PPL: variants seen among roughly 807,000 people sequenced by gnomAD.
PPL encodes periplakin, also known as 190 kDa paraneoplastic pemphigus antigen.
In PPL, 198 loss-of-function variants were observed where a neutral mutation model predicts 194.4. The ratio of observed to expected loss-of-function variants is 1.02; its 90% CI spans 0.91 to 1.15. The LOEUF is 1.15. PPL is among the 50% of genes most tolerant of loss of function. The pLI is 0.00. For synonymous variants in PPL, 1,220 were observed against 972.4 expected (o/e 1.25, Z -4.74); for missense variants, 2,885 against 2,294.8 (o/e 1.26, Z -5.25).
rs764576632 is a variant in PPL at position 4,904,000 on chromosome 16, C to T, written c.203G>A (p.Arg68Gln). ...CAACACCTTCTGCAGGGTCACGTCC[C>T]GGTGCTCAGGCTGCCGACCCTCCTG... Reference protein sequence around the residue: ...RLQEGRQPEHRDVTLQKVLDS... With the variant: ...RLQEGRQPEHQDVTLQKVLDS... The change falls in exon 3 of 22, where the codon CGG becomes CAG. Residue 68 changes from arginine to glutamine, a missense_variant. By Grantham distance (43) the Arg-to-Gln change is conservative. Coordinates refer to ENST00000345988, the MANE Select transcript of PPL (RefSeq NM_002705.5). 6.2e-6 allele frequency: 10 copies of T among 1,613,350 alleles called. No individual in the cohort carries two copies. Among genetic ancestry groups the T allele is most frequent in the South Asian group, 2.2e-5 (2 of 91,066 alleles).
chr16:4,890,201 T>A lies in PPL; in HGVS notation c.2296A>T (p.Lys766Ter). Residue 766 changes from lysine to a stop codon, truncating the protein, a stop_gained, in exon 18 of 22, where the codon AAG becomes TAG. Transcript: ENST00000345988. LOFTEE classifies it high-confidence loss of function. Reference protein sequence around the residue: ...ETDSLSQMETKLKNQKNLLDE... With the variant: ...ETDSLSQMET ...CATCTCACCTTCTGGTTCTTCAGCT[T>A]GGTCTCCATCTGGCTGAGGCTGTCT... 1 of 1,614,186 alleles carries A rather than the reference T, an allele frequency of 6.2e-7. No homozygotes were observed. Among genetic ancestry groups the A allele is most frequent in the Non-Finnish European group, 8.5e-7 (1 of 1,180,020 alleles).
Position 4,892,077 on chromosome 16 carries a change from T to C in PPL, c.1787A>G (p.Lys596Arg). The change falls in exon 15 of 22, where the codon AAA becomes AGA. Residue 596 changes from lysine (K) to arginine (R), a missense_variant. Lys to Arg is a conservative substitution (Grantham distance 26). Transcript: ENST00000345988. ...CAGCAGCTGCAGGAGGTGCTCGTAT[T>C]TCCGGTTGGTGTCCTCCACCCGGGT... ...LRTRVEDTNR[K>R]YEHLLQLLDL... is the part of the protein sequence containing the mutation. The C allele has an allele frequency of 6.2e-7, 1 of 1,613,780 alleles. No individual in the cohort carries two copies. Among genetic ancestry groups the C allele is most frequent in the Non-Finnish European group, 8.5e-7 (1 of 1,180,002 alleles).
intron 2 of PPL, among the ~76,000 whole-genome samples, chr16:4,906,531 G>C (rs369428894): frequency 6.6e-6 from 1 of 152,190 alleles, no homozygotes; most frequent in Non-Finnish European, 1.5e-5. Flanking sequence ...GGCCTGCTTG[G>C]AGTAGAATTT....
chr16:4,918,241 C>T (rs915954483), intron 1 of PPL, among the ~76,000 whole-genome samples: 3 of 149,654 alleles, frequency 2.0e-5, no homozygotes, highest in African/African-American at 7.4e-5. Flanking sequence ...TGCAGTGAGC[C>T]GAGATTGCAC....
intron 2 of PPL, 63 bp from the exon 3 acceptor site, chr16:4,904,103 G>T: frequency 6.6e-7 from 1 of 1,525,204 alleles, no homozygotes; most frequent in South Asian, 1.2e-5. Flanking sequence ...GTGGCAATGG[G>T]AGGGGTGGGA....
At chr16:4,893,474 C>G in intron 13 of PPL, 67 bp downstream of exon 13, 1 of 1,598,058 alleles carries the variant, frequency 6.3e-7, no homozygotes, top group Admixed American at 1.7e-5. Flanking sequence ...ATCCACAGCA[C>G]AGACCCTGGT....
chr16:4,933,032 C>T (rs993023293), intron 1 of PPL, among the ~76,000 whole-genome samples: 2 of 151,328 alleles, frequency 1.3e-5, no homozygotes, highest in Non-Finnish European at 2.9e-5. Flanking sequence ...GACAGAGTCT[C>T]ACTCTTTTAC....
chr16:4,887,888 G>A (rs1479279323), intron 20 of PPL, among the ~76,000 whole-genome samples: 1 of 152,156 alleles, frequency 6.6e-6, no homozygotes. Flanking sequence ...GAGCCACTGC[G>A]CCCGGCCTTG....
In PPL at chr16:4,888,162, C is replaced by A. The variant is rs1437086184; in HGVS notation, c.2454G>T (p.Arg818Ser). 6.2e-7 allele frequency: 1 copy of A among 1,613,886 alleles called. No homozygotes were observed. The highest frequency in any genetic ancestry group is 1.1e-5 in the South Asian group (1 of 91,052). Residue 818 changes from arginine to serine, a missense_variant, in exon 20 of 22, where the codon AGG becomes AGT. Arg to Ser is a moderately radical substitution (Grantham distance 110). Coordinates refer to ENST00000345988, the MANE Select transcript of PPL (RefSeq NM_002705.5). ...LRSLLDLENGRRSHVSKRARL... is the reference protein window; with the variant it reads ...LRSLLDLENGSRSHVSKRARL... ...TGGCTCTCTTGCTCACGTGGCTTCT[C>A]CTTCCATTCTCCAAGTCGAGAAGAG...
At chr16:4,912,033 C>T (rs780734176) in intron 1 of PPL, among the ~76,000 whole-genome samples, 8 of 152,224 alleles carry the variant, frequency 5.3e-5, no homozygotes, top group Admixed American at 6.5e-5. Flanking sequence ...GTTGGCAAAA[C>T]GCACCATATT....
Position 4,884,059 on chromosome 16 carries a change from C to T in PPL, c.4596G>A (p.Glu1532=). 1.2e-6 allele frequency: 2 copies of T among 1,613,362 alleles called. No homozygotes were observed. The highest frequency in any genetic ancestry group is 1.7e-6 in the Non-Finnish European group (2 of 1,180,010). Residue 1532 remains glutamate, a synonymous_variant, in exon 22 of 22, where the codon GAG becomes GAA. Transcript: ENST00000345988. The surrounding 1 kb of genome is among the most constrained non-coding windows in gnomAD (Gnocchi z 5.7). ...CCAGCCGGCTCACCTCGACGTCCAG[C>T]TCGCGCTTGCTGCGGCTCTCCTCCT... The part of the protein sequence containing the change: ...SLEEESRSKR[E]LDVEVSRLEA...
At position 4,895,632 on chromosome 16, in the gene PPL, C is replaced by A; in HGVS notation, c.1057G>T (p.Asp353Tyr). ...AGCAGCAGCTCAATCTGGTACCGGT[C>A]CTTGAAGTCAGGGCCATACTTCTGG... ...LNQKYGPDFK[D>Y]RYQIELLLRE... Residue 353 changes from aspartate to tyrosine, a missense_variant, in exon 10 of 22, where the codon GAC becomes TAC. Coordinates refer to ENST00000345988, the MANE Select transcript of PPL (RefSeq NM_002705.5). 6.2e-7 allele frequency: 1 copy of A among 1,614,078 alleles called. No homozygotes were observed. Among genetic ancestry groups the A allele is most frequent in the South Asian group, 1.1e-5 (1 of 91,082 alleles).
At position 4,902,415 on chromosome 16, in the gene PPL, C is replaced by T; in HGVS notation, c.429G>A (p.Glu143=). Reference sequence around the variant, plus strand: ...CCCGTCCAGGCCATACCAGCTTCTCCTCCACCAGTGCCGCCCAGTTGACCT... The same window carrying T: ...CCCGTCCAGGCCATACCAGCTTCTCTTCCACCAGTGCCGCCCAGTTGACCT... ...DPQVNWAALV[E]EKLDKLNNQS... is the part of the protein sequence containing the mutation. The change falls in exon 4 of 22, where the codon GAG becomes GAA. Residue 143 remains glutamate, a synonymous_variant. Coordinates refer to ENST00000345988, the MANE Select transcript of PPL (RefSeq NM_002705.5). The surrounding 1 kb of genome is among the most constrained non-coding windows in gnomAD (Gnocchi z 4.0). The T allele has an allele frequency of 1.2e-6, 2 of 1,613,972 alleles. No homozygotes were observed. Among genetic ancestry groups the T allele is most frequent in the Non-Finnish European group, 1.7e-6 (2 of 1,179,912 alleles).
intron 1 of PPL, among the ~76,000 whole-genome samples, chr16:4,913,879 G>A (rs571716149): frequency 2.6e-5 from 4 of 152,256 alleles, no homozygotes; most frequent in East Asian, 1.9e-4. Context: ...TGCTGTGTGC[G>A]GGCCCTGCAC....
chr16:4,920,730 G>C (rs1267958391), intron 1 of PPL, among the ~76,000 whole-genome samples: 1 of 152,114 alleles, frequency 6.6e-6, no homozygotes, highest in Non-Finnish European at 1.5e-5. Flanking sequence ...CAAAGTGCTG[G>C]AATTACAGGT....
chr16:4,900,333 C>T (rs2088535373), intron 6 of PPL, among the ~76,000 whole-genome samples: 2 of 151,850 alleles, frequency 1.3e-5, no homozygotes, highest in South Asian at 2.1e-4. Flanking sequence ...TTAGGGTTTT[C>T]CCTGAACAAC....
At chr16:4,922,954 TCCTGCGTCCCAGATGCCCACTC>T (rs1568053574) in intron 1 of PPL, among the ~76,000 whole-genome samples, 2 of 152,124 alleles carry the variant, frequency 1.3e-5, no homozygotes, top group African/African-American at 4.8e-5. Context: ...GGACAGGAGA[TCCTGCGTCCCAGATGCCCACTC>T]CCTGGGCCTA....
chr16:4,920,355 G>C (rs577448634), intron 1 of PPL, among the ~76,000 whole-genome samples: 8 of 70,904 alleles, frequency 1.1e-4, no homozygotes, highest in Non-Finnish European at 3.3e-4. Flanking sequence ...GAGAAAGAAA[G>C]AAAGAAAGAA....
chr16:4,906,188 A>C (rs1223178357), intron 2 of PPL, among the ~76,000 whole-genome samples: 1 of 151,994 alleles, frequency 6.6e-6, no homozygotes. Flanking sequence ...ACAACAAAAC[A>C]TCAGCTTCTT....
Sources: gnomAD v4.1 joint callset for allele counts (sites outside exome capture counted in the v4.1 genomes callset) on GRCh38, gnomAD v4.1.1 for gene constraint, Gnocchi (gnomAD v3.1) non-coding constraint, MANE v1.5 for transcripts, NCBI Gene and HGNC (gene_info 2026-07-23, HGNC 2026-07-21) for gene names.